Variants in ADNP observed in about 807,000 individuals in gnomAD.
ADNP encodes the protein activity-dependent neuroprotector homeobox protein.
Under a neutral mutation model 84.9 loss-of-function variants are expected in ADNP, and 4 were observed. The ratio of observed to expected loss-of-function variants is 0.05; its 90% CI spans 0.02 to 0.11. ADNP has a LOEUF of 0.11. Among genes scored for constraint, ADNP ranks in the 10% least tolerant of loss-of-function variants. The pLI is 1.00. For missense variants in ADNP, 1,132 were observed against 1,326.0 expected (o/e 0.85, Z 2.27); for synonymous variants, 554 against 468.1 (o/e 1.18, Z -2.37).
Position 50,893,226 on chromosome 20 carries a change from G to T in ADNP, c.1488C>A (p.Arg496=), listed in dbSNP as rs1173179134. ...TGAGCAGAGTATCTGTGGGTAAATAGCGATTACAGTAGAGGCATTTGCTAG... is the reference window on the plus strand; with the variant it reads ...TGAGCAGAGTATCTGTGGGTAAATATCGATTACAGTAGAGGCATTTGCTAG... ...NFTSKCLYCN[R]YLPTDTLLNH... is the part of the protein sequence containing the mutation. The change falls in exon 6 of 6, where the codon CGC becomes CGA. Residue 496 remains arginine, a synonymous_variant. Coordinates refer to ENST00000621696, the MANE Select transcript of ADNP (RefSeq NM_001282531.3). The surrounding 1 kb of genome is among the most constrained non-coding windows in gnomAD (Gnocchi z 4.4). 1 of 1,614,244 alleles carries T rather than the reference G, an allele frequency of 6.2e-7. No individual in the cohort carries two copies. Among genetic ancestry groups the T allele is most frequent in the Admixed American group, 1.7e-5 (1 of 60,036 alleles).
At chr20:50,910,868 G>A (rs1982959464) in intron 2 of ADNP, among the ~76,000 whole-genome samples, 1 of 152,102 alleles carries the variant, frequency 6.6e-6, no homozygotes, top group Admixed American at 6.6e-5. Context: ...TGCCCAGGCT[G>A]GTCTCCAACT....
intron 2 of ADNP, among the ~76,000 whole-genome samples, chr20:50,924,092 A>G (rs1331905879): frequency 6.6e-6 from 1 of 152,242 alleles, no homozygotes; most frequent in East Asian, 1.9e-4. Flanking sequence ...GGTTTCCACA[A>G]GCTCTTAAAT....
intron 2 of ADNP, among the ~76,000 whole-genome samples, chr20:50,916,276 ATTG>A (rs540264823): frequency 1.3e-3 from 191 of 152,322 alleles, no homozygotes; most frequent in African/African-American, 3.7e-3. Context: ...GCTCTGAAAG[ATTG>A]TTGCCTGATC....
intron 5 of ADNP, among the ~76,000 whole-genome samples, chr20:50,897,982 A>G (rs531434490): frequency 6.6e-6 from 1 of 152,288 alleles, no homozygotes; most frequent in South Asian, 2.1e-4. Context: ...GGTTCTCAAC[A>G]TGCCAAATCA....
chr20:50,922,192 G>A (rs1404828313), intron 2 of ADNP, among the ~76,000 whole-genome samples: 1 of 152,086 alleles, frequency 6.6e-6, no homozygotes, highest in Admixed American at 6.5e-5. Flanking sequence ...AAACGTGTAG[G>A]GTTTTTTCCC....
chr20:50,922,309 C>T (rs183011999), intron 2 of ADNP, among the ~76,000 whole-genome samples: 6 of 152,294 alleles, frequency 3.9e-5, no homozygotes, highest in Admixed American at 2.6e-4. Flanking sequence ...AAACTGCTCT[C>T]TCCTTCTTCA....
Position 50,891,335 on chromosome 20 carries a change from A to G in ADNP, c.*70T>C. The G allele has an allele frequency of 6.7e-7, 1 of 1,482,000 alleles. No homozygotes were observed. Among genetic ancestry groups the G allele is most frequent in the Non-Finnish European group, 8.9e-7 (1 of 1,123,450 alleles). 91.8% of individuals were successfully genotyped at this position (1,482,000 alleles called of 1,614,324 possible). A position where few individuals can be genotyped will look rare whatever the true frequency, so the allele number is the denominator to read the frequency against. ...CACAAGGCAGTACCAGTGAGAAGAC[A>G]GCTTTGCAGTCACACTGGATATCAG... On this transcript the variant is annotated 3_prime_UTR_variant, in exon 6 of 6. Coordinates refer to ENST00000621696, the MANE Select transcript of ADNP (RefSeq NM_001282531.3).
Position 50,891,426 on chromosome 20 carries a change from T to C in ADNP, c.3288A>G (p.Lys1096=), listed in dbSNP as rs1980689059. ...GCACTTAGGCCTGTTGGCTGCTCAG[T>C]TTAACTCCGGCTAAGCTGCCATGCA... ...EPMHGSLAGV[K]LSSQQA is the part of the protein sequence containing the mutation. The change falls in exon 6 of 6, where the codon AAA becomes AAG. Residue 1096 remains lysine, a synonymous_variant. Coordinates refer to ENST00000621696, the MANE Select transcript of ADNP (RefSeq NM_001282531.3). 1.9e-6 allele frequency: 3 copies of C among 1,609,618 alleles called. No individual in the cohort carries two copies. Among genetic ancestry groups the C allele is most frequent in the Non-Finnish European group, 2.5e-6 (3 of 1,178,568 alleles).
At chr20:50,920,438 G>A (rs976383532) in intron 2 of ADNP, among the ~76,000 whole-genome samples, 5 of 151,418 alleles carry the variant, frequency 3.3e-5, no homozygotes, top group African/African-American at 7.3e-5. Flanking sequence ...ACATGAGCTC[G>A]GTGTGGTGGC....
chr20:50,899,502 G>A (rs1167108681), intron 5 of ADNP, among the ~76,000 whole-genome samples: 1 of 152,078 alleles, frequency 6.6e-6, no homozygotes. Context: ...TGAGCCCAGC[G>A]CCCGGCCGGT....
At chr20:50,910,235 C>A (rs932642352) in intron 2 of ADNP, among the ~76,000 whole-genome samples, 8 of 152,102 alleles carry the variant, frequency 5.3e-5, no homozygotes, top group Non-Finnish European at 8.8e-5. Context: ...ACAAAAAACA[C>A]TATATGAGAA....
intron 2 of ADNP, among the ~76,000 whole-genome samples, chr20:50,926,391 T>G (rs1984293195): frequency 2.0e-5 from 3 of 152,254 alleles, no homozygotes; most frequent in Admixed American, 1.3e-4. Context: ...CATGGGTACT[T>G]TGGTGTAAAC....
intron 2 of ADNP, among the ~76,000 whole-genome samples, chr20:50,920,587 T>G (rs1983893621): frequency 6.9e-6 from 1 of 144,870 alleles, no homozygotes; most frequent in Non-Finnish European, 1.5e-5. Flanking sequence ...GGAAGTCAAT[T>G]AAGTAAAAGA....
At chr20:50,919,269 G>A (rs1024543556) in intron 2 of ADNP, among the ~76,000 whole-genome samples, 1 of 123,634 alleles carries the variant, frequency 8.1e-6, no homozygotes, top group Non-Finnish European at 1.6e-5. Flanking sequence ...AGACCAGCCT[G>A]AAAAAATACA....
At chr20:50,913,964 C>T (rs1983297661) in intron 2 of ADNP, 4 of 714,492 alleles carry the variant, frequency 5.6e-6, no homozygotes, top group Non-Finnish European at 5.2e-6. Flanking sequence ...CTTCAGACTG[C>T]TGTTTGTGCT....
chr20:50,930,843 G>A lies in ADNP; in HGVS notation c.-282C>T, dbSNP rs1278494393. The A allele has an allele frequency of 4.1e-5, 6 of 147,506 alleles. No homozygotes were observed. Among genetic ancestry groups the A allele is most frequent in the Admixed American group, 3.4e-4 (5 of 14,776 alleles). 9.1% of individuals were successfully genotyped at this position (147,506 alleles called of 1,614,324 possible). A position where few individuals can be genotyped will look rare whatever the true frequency, so the allele number is the denominator to read the frequency against. ...GGGCTTACCTTGACTCGGCCTCGAG[G>A]CGCGCGCGGGGCCGGCGTGCTCGGG... On this transcript the variant is annotated 5_prime_UTR_variant, in exon 1 of 6. Coordinates refer to ENST00000621696, the MANE Select transcript of ADNP (RefSeq NM_001282531.3).
chr20:50,895,652 C>G (rs1981306460), intron 5 of ADNP, among the ~76,000 whole-genome samples: 1 of 152,116 alleles, frequency 6.6e-6, no homozygotes, highest in Admixed American at 6.5e-5. Context: ...CTCATGCGAT[C>G]CTCCCACCTC....
intron 5 of ADNP, among the ~76,000 whole-genome samples, chr20:50,895,248 T>A (rs1053529012): frequency 6.6e-6 from 1 of 152,230 alleles, no homozygotes; most frequent in Admixed American, 6.5e-5. Flanking sequence ...CAGACCTAGA[T>A]GGTAGAACCT....
chr20:50,928,311 G>C (rs1330679280), intron 2 of ADNP, among the ~76,000 whole-genome samples: 1 of 152,164 alleles, frequency 6.6e-6, no homozygotes, highest in Non-Finnish European at 1.5e-5. Context: ...GGAAAACCAT[G>C]TTTTCATCAG....
Sources: gnomAD v4.1 joint callset for allele counts (sites outside exome capture counted in the v4.1 genomes callset) on GRCh38, gnomAD v4.1.1 for gene constraint, Gnocchi (gnomAD v3.1) non-coding constraint, MANE v1.5 for transcripts, NCBI Gene and HGNC (gene_info 2026-07-23, HGNC 2026-07-21) for gene names.